HS3ST5: variants seen among roughly 807,000 people sequenced by gnomAD.
HS3ST5 encodes the protein heparan sulfate-glucosamine 3-sulfotransferase 5.
In HS3ST5, 10 loss-of-function variants were observed where a neutral mutation model predicts 25.4. The ratio of observed to expected loss-of-function variants is 0.39; its 90% CI spans 0.24 to 0.67. HS3ST5 has a LOEUF of 0.67. HS3ST5 is among the 30% of genes least tolerant of loss of function. The probability of loss-of-function intolerance (pLI) is 0.44; values close to 1 mark genes in which losing one functional copy is unlikely to be tolerated. For missense variants in HS3ST5, 324 were observed against 420.7 expected (o/e 0.77, Z 2.01); for synonymous variants, 170 against 162.4 (o/e 1.05, Z -0.36).
At chr6:114,244,749 C>G (rs571086724) in intron 1 of HS3ST5, among the ~76,000 whole-genome samples, 2 of 152,286 alleles carry the variant, frequency 1.3e-5, no homozygotes, top group South Asian at 4.1e-4. Context: ...TCCTTACCAT[C>G]TATAACTGAT....
At chr6:114,223,800 C>A (rs1247428825) in intron 2 of HS3ST5, among the ~76,000 whole-genome samples, 1 of 151,566 alleles carries the variant, frequency 6.6e-6, no homozygotes, top group East Asian at 1.9e-4. Context: ...TTTTAATTAT[C>A]TTTGATATAG....
intron 1 of HS3ST5, among the ~76,000 whole-genome samples, chr6:114,259,493 G>C (rs1364921896): frequency 6.6e-6 from 1 of 152,134 alleles, no homozygotes; most frequent in Non-Finnish European, 1.5e-5. Context: ...TTTTACACAT[G>C]GTAGGAATTC....
At chr6:114,332,317 C>T (rs1166349650) in intron 1 of HS3ST5, among the ~76,000 whole-genome samples, 2 of 152,080 alleles carry the variant, frequency 1.3e-5, no homozygotes, top group Admixed American at 6.6e-5. Flanking sequence ...CCTCACTATG[C>T]GTTTTCTCCA....
At chr6:114,155,159 G>A (rs1210374157) in intron 3 of HS3ST5, among the ~76,000 whole-genome samples, 1 of 152,160 alleles carries the variant, frequency 6.6e-6, no homozygotes, top group Non-Finnish European at 1.5e-5. Context: ...ATGCTAATGT[G>A]TTTAACTCTA....
chr6:114,081,852 C>T (rs1407880356), intron 3 of HS3ST5, among the ~76,000 whole-genome samples: 1 of 152,112 alleles, frequency 6.6e-6, no homozygotes, highest in Admixed American at 6.6e-5. Flanking sequence ...TTATTGGTCT[C>T]AGCTTTATTG....
At position 114,341,319 on chromosome 6, in the gene HS3ST5, G is replaced by A. The variant is rs567357571; in HGVS notation, c.-339+876C>T. ...CGAATGTGAGCATCAGCTCCCTTGG[G>A]TGGGTGCCCTGAAGCACTGAAGTAG... On this transcript the variant is annotated intron_variant, in intron 1 of 4. Coordinates refer to ENST00000312719, the MANE Select transcript of HS3ST5 (RefSeq NM_153612.4). Among the ~76,000 whole-genome samples, 177 of 151,888 alleles carry A rather than the reference G, an allele frequency of 1.2e-3. 2 individuals carry two copies. Among genetic ancestry groups the A allele is most frequent in the South Asian group, 7.5e-3 (36 of 4,794 alleles).
intron 2 of HS3ST5, among the ~76,000 whole-genome samples, chr6:114,191,554 C>T (rs921425958): frequency 7.9e-5 from 12 of 152,214 alleles, no homozygotes; most frequent in African/African-American, 1.9e-4. Flanking sequence ...GCTTTGAAAA[C>T]GAAACAATGG....
chr6:114,336,357 C>A (rs1776611908), intron 1 of HS3ST5, among the ~76,000 whole-genome samples: 1 of 152,152 alleles, frequency 6.6e-6, no homozygotes, highest in Non-Finnish European at 1.5e-5. Flanking sequence ...GCCGGTAATC[C>A]CACCACTTTG....
intron 1 of HS3ST5, among the ~76,000 whole-genome samples, chr6:114,281,465 T>C (rs1397046410): frequency 6.6e-6 from 1 of 152,012 alleles, no homozygotes; most frequent in Non-Finnish European, 1.5e-5. Flanking sequence ...ACAATAAAAT[T>C]CTTTTCTCCC....
chr6:114,240,018 A>ACACT (rs1335470680), intron 1 of HS3ST5, among the ~76,000 whole-genome samples: 1 of 151,588 alleles, frequency 6.6e-6, no homozygotes. Flanking sequence ...ATACACACAC[A>ACACT]CACACACACA....
At chr6:114,217,400 A>G (rs908345800) in intron 2 of HS3ST5, among the ~76,000 whole-genome samples, 1 of 152,226 alleles carries the variant, frequency 6.6e-6, no homozygotes, top group East Asian at 1.9e-4. Context: ...CAATATATGC[A>G]TATGCATATG....
chr6:114,337,954 G>A (rs887100915), intron 1 of HS3ST5, among the ~76,000 whole-genome samples: 2 of 152,040 alleles, frequency 1.3e-5, no homozygotes, highest in African/African-American at 4.8e-5. Context: ...AATAATAGCA[G>A]CTGTACCTAC....
intron 3 of HS3ST5, chr6:114,131,954 T>C (rs1777358001): frequency 6.6e-6 from 1 of 152,214 alleles, no homozygotes; most frequent in Non-Finnish European, 1.5e-5. Flanking sequence ...ATTTAATATG[T>C]TTTTCCTTCA....
chr6:114,324,204 C>T (rs1327430151), intron 1 of HS3ST5, among the ~76,000 whole-genome samples: 1 of 152,140 alleles, frequency 6.6e-6, no homozygotes, highest in Non-Finnish European at 1.5e-5. Flanking sequence ...GCCATTGGCA[C>T]CCAATTTAGT....
At chr6:114,166,212 C>T (rs1003828576) in intron 3 of HS3ST5, among the ~76,000 whole-genome samples, 9 of 152,010 alleles carry the variant, frequency 5.9e-5, no homozygotes, top group Non-Finnish European at 1.3e-4. Context: ...CTCTGGACTT[C>T]GGTGTTGGGC....
At chr6:114,088,397 T>C (rs1245362043) in intron 3 of HS3ST5, among the ~76,000 whole-genome samples, 2 of 143,316 alleles carry the variant, frequency 1.4e-5, no homozygotes, top group South Asian at 2.5e-4. Context: ...GATCTTCTCT[T>C]TTTTTTTTTT....
intron 2 of HS3ST5, among the ~76,000 whole-genome samples, chr6:114,172,238 G>C (rs1779506314): frequency 6.6e-6 from 1 of 152,162 alleles, no homozygotes; most frequent in African/African-American, 2.4e-5. Context: ...AAGCTACACT[G>C]TATCTCAATT....
At chr6:114,094,143 T>TTTAAA (rs1338891130) in intron 3 of HS3ST5, among the ~76,000 whole-genome samples, 1 of 152,214 alleles carries the variant, frequency 6.6e-6, no homozygotes, top group Non-Finnish European at 1.5e-5. Flanking sequence ...AGTATTAATA[T>TTTAAA]TTTAAAGAAA....
chr6:114,263,647 A>G (rs1327907691), intron 1 of HS3ST5, among the ~76,000 whole-genome samples: 4 of 152,236 alleles, frequency 2.6e-5, no homozygotes, highest in Non-Finnish European at 4.4e-5. Context: ...AAAGTCCCCA[A>G]GTGAAATAGC....
Sources: gnomAD v4.1 joint callset for allele counts (sites outside exome capture counted in the v4.1 genomes callset) on GRCh38, gnomAD v4.1.1 for gene constraint, MANE v1.5 for transcripts, NCBI Gene and HGNC (gene_info 2026-07-23, HGNC 2026-07-21) for gene names.